Variants in DGKH observed in about 807,000 individuals in gnomAD.
DGKH encodes the protein diacylglycerol kinase eta.
A neutral mutation model predicts 159.3 loss-of-function variants in DGKH; 90 were observed. The observed-to-expected ratio is 0.57, with a 90% CI of 0.48 to 0.67. DGKH has a LOEUF of 0.67. DGKH is among the 30% of genes least tolerant of loss of function. The pLI is 0.00. For missense variants in DGKH, 1,181 were observed against 1,506.1 expected (o/e 0.78, Z 3.57); for synonymous variants, 536 against 553.8 (o/e 0.97, Z 0.45).
intron 1 of DGKH, among the ~76,000 whole-genome samples, chr13:42,114,640 A>C (rs1197270527): frequency 6.6e-6 from 1 of 152,230 alleles, no homozygotes; most frequent in Non-Finnish European, 1.5e-5. Context: ...ACTGGTAAAC[A>C]AGATAAGATC....
chr13:42,059,396 C>T (rs563290411), intron 1 of DGKH, among the ~76,000 whole-genome samples: 8 of 151,912 alleles, frequency 5.3e-5, no homozygotes, highest in Non-Finnish European at 1.0e-4. Flanking sequence ...ATTACAGGTG[C>T]GTGCCACTGT....
upstream of DGKH, among the ~76,000 whole-genome samples, chr13:42,044,902 TG>T (rs1334153026): frequency 1.3e-5 from 2 of 152,122 alleles, no homozygotes; most frequent in Non-Finnish European, 2.9e-5. Context: ...CAAGCCTTAC[TG>T]GGGGGAAAAT....
chr13:42,141,029 C>CATTAACTCGTCATTTACA lies in DGKH; in HGVS notation c.384+11397_384+11398insATTAACTCGTCATTTACA, dbSNP rs1555264853. Among the ~76,000 whole-genome samples, 66 of 52,142 alleles carry CATTAACTCGTCATTTACA rather than the reference C, an allele frequency of 1.3e-3. 6 individuals carry two copies. The highest frequency in any genetic ancestry group is 2.8e-3 in the South Asian group (4 of 1,438). The allele number at this position is 52,142 out of a possible 152,430, so 34.2% of individuals were successfully genotyped here. On this transcript the variant is annotated intron_variant, in intron 3 of 29. Coordinates refer to ENST00000337343, the MANE Select transcript of DGKH (RefSeq NM_178009.5). ...ATGTGCCATGTTGGTGTGCTGAACC[C>CATTAACTCGTCATTTACA]TCCTAATGCTATCCCTCCCCCCTCC...
intron 3 of DGKH, among the ~76,000 whole-genome samples, chr13:42,141,119 T>G (rs1401691577): frequency 6.8e-6 from 1 of 146,074 alleles, no homozygotes; most frequent in Non-Finnish European, 1.5e-5. Flanking sequence ...GTTCTCATTC[T>G]TCAATTCCCA....
At chr13:42,092,238 G>A (rs1351297205) in intron 1 of DGKH, among the ~76,000 whole-genome samples, 1 of 152,114 alleles carries the variant, frequency 6.6e-6, no homozygotes, top group Admixed American at 6.6e-5. Context: ...TCCCACTGCT[G>A]GCTATATATC....
intron 1 of DGKH, among the ~76,000 whole-genome samples, chr13:42,100,453 C>T (rs1371225755): frequency 6.6e-6 from 1 of 152,078 alleles, no homozygotes; most frequent in Non-Finnish European, 1.5e-5. Flanking sequence ...CCACCCCCTC[C>T]ACCCCCGATC....
chr13:42,184,956 A>G (rs997589289), intron 13 of DGKH, among the ~76,000 whole-genome samples: 1 of 152,090 alleles, frequency 6.6e-6, no homozygotes, highest in Non-Finnish European at 1.5e-5. Flanking sequence ...CTCTATGGGA[A>G]AATCTGCATT....
intron 1 of DGKH, among the ~76,000 whole-genome samples, chr13:42,086,133 G>C (rs188508121): frequency 4.6e-5 from 7 of 152,114 alleles, no homozygotes; most frequent in Non-Finnish European, 1.0e-4. Context: ...GTCCAGGCTG[G>C]GCTTGAACTC....
rs542575449 is a variant in DGKH at position 42,197,758 on chromosome 13, G to A, written c.2168-720G>A. Among the ~76,000 whole-genome samples, 8 of 152,068 alleles carry A rather than the reference G, an allele frequency of 5.3e-5. No individual in the cohort carries two copies. In the East Asian group the frequency reaches 1.2e-3, roughly 22 times the overall value. ...AAGAACTTGTTTTTCTAATTTCCTC[G>A]TGTTTCCCTTGTTCTTGTAGGTTCC... On this transcript the variant is annotated intron_variant, in intron 17 of 29. Transcript: ENST00000337343.
At chr13:42,243,031 T>C (rs238343), downstream of DGKH, 149,927 of 152,292 alleles carry the variant, frequency 0.98, 73,834 homozygotes, top group East Asian at 1. Flanking sequence ...CCATTTCCCC[T>C]CCAAAGGTAA....
At chr13:42,095,707 T>C (rs554218093) in intron 1 of DGKH, among the ~76,000 whole-genome samples, 1 of 152,342 alleles carries the variant, frequency 6.6e-6, no homozygotes, top group South Asian at 2.1e-4. Context: ...TGTGAATATA[T>C]ATTTATATGC....
chr13:42,222,233 G>A (rs347387), intron 29 of DGKH, among the ~76,000 whole-genome samples: 123,355 of 152,126 alleles, frequency 0.81, 50,345 homozygotes, highest in East Asian at 0.91. Context: ...AAGTAGTAAC[G>A]TTTGTTGGAG....
intron 20 of DGKH, among the ~76,000 whole-genome samples, chr13:42,201,520 A>G (rs1957346280): frequency 6.6e-6 from 1 of 152,170 alleles, no homozygotes; most frequent in Non-Finnish European, 1.5e-5. Flanking sequence ...GCTCTTCAGA[A>G]ATAGGATTAG....
exon 1 of DGKH, chr13:42,040,101 G>T (rs893621295): frequency 3.9e-5 from 6 of 152,322 alleles, no homozygotes; most frequent in Non-Finnish European, 5.9e-5. Flanking sequence ...CTGGAGTGCG[G>T]CTGAGTTTTC....
At chr13:42,186,292 T>C (rs1956926984) in intron 13 of DGKH, among the ~76,000 whole-genome samples, 1 of 152,242 alleles carries the variant, frequency 6.6e-6, no homozygotes, top group African/African-American at 2.4e-5. Context: ...TATACCATTC[T>C]GTTGATTGTT....
In DGKH at chr13:42,165,424, G is replaced by A. The variant is rs762859675; in HGVS notation, c.949G>A (p.Asp317Asn). 3.2e-6 allele frequency: 5 copies of A among 1,552,240 alleles called. No homozygotes were observed. The highest frequency in any genetic ancestry group is 2.4e-5 in the East Asian group (1 of 41,964). The change falls in exon 8 of 30, where the codon GAT (aspartate) becomes AAT (asparagine). Residue 317 changes from aspartate (D) to asparagine (N), a missense_variant. Physicochemically the swap from Asp to Asn is conservative, Grantham distance 23. Transcript: ENST00000337343. ...IIPPIALNST[D>N]SDGFCRATFS... Reference sequence around the variant, plus strand: ...ACCTCCAATTGCACTAAACAGCACCGATTCCGATGGTATGTAGCAGTAGTG... The same window carrying A: ...ACCTCCAATTGCACTAAACAGCACCAATTCCGATGGTATGTAGCAGTAGTG...
intron 1 of DGKH, among the ~76,000 whole-genome samples, chr13:42,113,246 A>G (rs532793877): frequency 6.4e-4 from 97 of 152,362 alleles, no homozygotes; most frequent in Non-Finnish European, 1.2e-3. Context: ...AAAAAGGAAC[A>G]AAAGTGCTGA....
chr13:42,224,230 CT>C (rs1306326217), intron 29 of DGKH, among the ~76,000 whole-genome samples: 1 of 152,214 alleles, frequency 6.6e-6, no homozygotes, highest in African/African-American at 2.4e-5. Context: ...TATTGCACTC[CT>C]GTTCTGCCCC....
At position 42,159,260 on chromosome 13, in the gene DGKH, T is replaced by TTTTTTTTTTTTTTTTTTTTTTTG; in HGVS notation, c.623-3_623-2insTTTTTTTTTTTTTTTTTTTGTTT. 1 of 1,183,488 alleles carries TTTTTTTTTTTTTTTTTTTTTTTG rather than the reference T, an allele frequency of 8.4e-7. No individual in the cohort carries two copies. Among genetic ancestry groups the TTTTTTTTTTTTTTTTTTTTTTTG allele is most frequent in the Non-Finnish European group, 1.2e-6 (1 of 843,380 alleles). 73.3% of individuals were successfully genotyped at this position (1,183,488 alleles called of 1,614,324 possible). The stretch of plus-strand genomic sequence containing the variant: ...GCAGTTGCTCTTTTTTTTTTTTTTT[T>TTTTTTTTTTTTTTTTTTTTTTTG]TTTAGTGTGTAAATTCAAGGCTCAC... On this transcript the variant is annotated splice_polypyrimidine_tract_variant and splice_region_variant and intron_variant, in intron 5 of 29. Transcript: ENST00000337343.
Sources: gnomAD v4.1 joint callset for allele counts (sites outside exome capture counted in the v4.1 genomes callset) on GRCh38, gnomAD v4.1.1 for gene constraint, MANE v1.5 for transcripts, NCBI Gene and HGNC (gene_info 2026-07-23, HGNC 2026-07-21) for gene names.